The following TSPAN18 variants were observed in gnomAD, a reference collection of about 807,000 sequenced individuals.
The protein encoded by TSPAN18 is tetraspanin 18, also known as tetraspanin-18.
TSPAN18 carries 14 observed loss-of-function variants against 27.3 expected under a neutral mutation model. The ratio of observed to expected loss-of-function variants is 0.51; its 90% confidence interval spans 0.34 to 0.80. The LOEUF is 0.80. Among genes scored for constraint, TSPAN18 ranks in the 30% least tolerant of loss-of-function variants. TSPAN18 has a pLI of 0.01. For missense variants in TSPAN18, 268 were observed against 323.9 expected, an observed-to-expected ratio of 0.83 and a Z score of 1.32; for synonymous variants, 143 against 136.5, an observed-to-expected ratio of 1.05 and a Z score of -0.33.
intron 3 of TSPAN18, among the ~76,000 whole-genome samples, chr11:44,893,524 T>C (rs1590641895): frequency 6.6e-6 from 1 of 152,242 alleles, no homozygotes; most frequent in Non-Finnish European, 1.5e-5. Context: ...AAATAAGTCC[T>C]CCCCATCAGC....
rs141291982 is a variant in TSPAN18, at chr11:44,877,383, A to G, written c.-11+16914A>G. Among the ~76,000 whole-genome samples the G allele has an allele frequency of 5.9e-4, 90 of 152,276 alleles. 1 individual carries two copies. Among genetic ancestry groups the G allele is most frequent in the African/African-American group, 2.0e-3 (83 of 41,562 alleles). On this transcript the variant is annotated intron_variant, in intron 3 of 9. Coordinates refer to ENST00000520358, the MANE Select transcript of TSPAN18 (RefSeq NM_130783.5). ...AAGAGTGACCTGGAGTGGTCTGTCC[A>G]TGGTCATTCGAGGGGAGAGGTGCAG...
At chr11:44,915,998 A>C (rs1242349034) in intron 5 of TSPAN18, among the ~76,000 whole-genome samples, 2 of 152,154 alleles carry the variant, frequency 1.3e-5, no homozygotes, top group Admixed American at 6.5e-5. Context: ...TGGGGACAGA[A>C]ACCAGCCAGC....
At chr11:44,893,525 C>T (rs1858928186) in intron 3 of TSPAN18, among the ~76,000 whole-genome samples, 2 of 152,202 alleles carry the variant, frequency 1.3e-5, no homozygotes, top group Admixed American at 6.5e-5. Context: ...AATAAGTCCT[C>T]CCCATCAGCC....
chr11:44,789,767 A>G (rs570821486), intron 2 of TSPAN18, among the ~76,000 whole-genome samples: 86 of 152,344 alleles, frequency 5.6e-4, no homozygotes, highest in African/African-American at 2.0e-3. Context: ...TTGACTGTCA[A>G]CAGGACACCA....
chr11:44,819,614 G>A (rs575525634), intron 2 of TSPAN18, among the ~76,000 whole-genome samples: 61 of 152,120 alleles, frequency 4.0e-4, no homozygotes, highest in African/African-American at 1.3e-3. Flanking sequence ...TCTTGGGCAC[G>A]GCAGTGGAAG....
At chr11:44,860,642 G>C (rs1857854632) in intron 3 of TSPAN18, among the ~76,000 whole-genome samples, 173 bp downstream of exon 3, 1 of 152,224 alleles carries the variant, frequency 6.6e-6, no homozygotes, top group Non-Finnish European at 1.5e-5. Context: ...GGTGCAGATA[G>C]TGTGAGTGGA....
chr11:44,840,419 C>T (rs575774229), intron 2 of TSPAN18, among the ~76,000 whole-genome samples: 4 of 152,306 alleles, frequency 2.6e-5, no homozygotes, highest in South Asian at 4.1e-4. Context: ...GCTGTTTTGG[C>T]AGGTGATCTT....
At chr11:44,868,710 A>C (rs1858106533) in intron 3 of TSPAN18, among the ~76,000 whole-genome samples, 1 of 152,168 alleles carries the variant, frequency 6.6e-6, no homozygotes, top group African/African-American at 2.4e-5. Flanking sequence ...GAAAACTTGC[A>C]AACCACAACC....
chr11:44,768,276 A>C (rs1185938514), intron 2 of TSPAN18, among the ~76,000 whole-genome samples: 1 of 152,172 alleles, frequency 6.6e-6, no homozygotes, highest in Non-Finnish European at 1.5e-5. Context: ...TGATTTCTTC[A>C]ATATAGTTTT....
chr11:44,857,240 G>A (rs1238159739), intron 2 of TSPAN18, among the ~76,000 whole-genome samples: 1 of 152,224 alleles, frequency 6.6e-6, no homozygotes, highest in Non-Finnish European at 1.5e-5. Flanking sequence ...CTACCACTCT[G>A]TTGGTGGTCA....
intron 2 of TSPAN18, among the ~76,000 whole-genome samples, chr11:44,789,101 C>T (rs1464146546): frequency 1.3e-5 from 2 of 152,194 alleles, no homozygotes; most frequent in Non-Finnish European, 2.9e-5. Context: ...GACAATAACA[C>T]CCTCGTGTCA....
At chr11:44,902,457 G>A (rs953800630) in intron 3 of TSPAN18, among the ~76,000 whole-genome samples, 3 of 152,226 alleles carry the variant, frequency 2.0e-5, no homozygotes, top group African/African-American at 4.8e-5. Flanking sequence ...GGTATCCTGG[G>A]GGACCGTTCT....
chr11:44,877,720 G>A (rs1428267320), intron 3 of TSPAN18, among the ~76,000 whole-genome samples: 1 of 152,198 alleles, frequency 6.6e-6, no homozygotes, highest in Non-Finnish European at 1.5e-5. Context: ...CAGCCCCTGT[G>A]AAGCCTGTTA....
chr11:44,888,238 G>C (rs1232180464), intron 3 of TSPAN18, among the ~76,000 whole-genome samples: 1 of 152,150 alleles, frequency 6.6e-6, no homozygotes, highest in Admixed American at 6.5e-5. Flanking sequence ...GTGCCTTCTG[G>C]CATCTGAGAC....
At chr11:44,908,778 A>AGAAAGAAGGAAG (rs1564992639) in intron 4 of TSPAN18, among the ~76,000 whole-genome samples, 1 of 112,390 alleles carries the variant, frequency 8.9e-6, no homozygotes, top group African/African-American at 4.0e-5. Flanking sequence ...GGAGAAAGAA[A>AGAAAGAAGGAAG]GAAAGAAAGA....
At chr11:44,737,056 A>T (rs1854813574) in intron 1 of TSPAN18, among the ~76,000 whole-genome samples, 1 of 152,226 alleles carries the variant, frequency 6.6e-6, no homozygotes, top group Non-Finnish European at 1.5e-5. Context: ...TCACATGCTG[A>T]ATGAATGAGG....
chr11:44,790,294 CAT>C (rs1491163607), intron 2 of TSPAN18, among the ~76,000 whole-genome samples: 10 of 145,950 alleles, frequency 6.9e-5, no homozygotes, highest in East Asian at 2.1e-4. Flanking sequence ...CGTGTATGTG[CAT>C]GTGTGTGTGC....
intron 2 of TSPAN18, among the ~76,000 whole-genome samples, chr11:44,764,934 C>T (rs1175622102): frequency 1.3e-5 from 2 of 152,120 alleles, no homozygotes; most frequent in African/African-American, 2.4e-5. Context: ...CCTCTGCCCT[C>T]GATAATCTTT....
intron 2 of TSPAN18, among the ~76,000 whole-genome samples, chr11:44,823,673 C>A (rs561664273): frequency 6.6e-6 from 1 of 152,216 alleles, no homozygotes; most frequent in Admixed American, 6.5e-5. Context: ...GGCTTTCAGG[C>A]TTTAAACTGT....
Sources: gnomAD v4.1 joint callset for allele counts (sites outside exome capture counted in the v4.1 genomes callset) on GRCh38, gnomAD v4.1.1 for gene constraint, MANE v1.5 for transcripts, NCBI Gene and HGNC (gene_info 2026-07-23, HGNC 2026-07-21) for gene names.